Variants in FDFT1 observed in about 807,000 individuals in gnomAD.
FDFT1 encodes squalene synthase.
A neutral mutation model predicts 46.8 loss-of-function variants in FDFT1; 68 were observed. That is an observed-to-expected ratio of 1.45 (90% CI 1.19 to 1.78). FDFT1 has a LOEUF of 1.78. Ranked by LOEUF, FDFT1 falls within the 40% of genes most tolerant of loss-of-function variation. FDFT1 has a pLI of 0.00. For synonymous variants in FDFT1, 351 were observed against 185.1 expected, an observed-to-expected ratio of 1.90 and a Z score of -7.28; for missense variants, 928 against 524.4, an observed-to-expected ratio of 1.77 and a Z score of -7.52.
At chr8:11,815,440 A>G (rs933167759) in intron 3 of FDFT1, among the ~76,000 whole-genome samples, 4 of 152,308 alleles carry the variant, frequency 2.6e-5, no homozygotes, top group African/African-American at 9.6e-5. Flanking sequence ...TTGGGGAATC[A>G]CCATACTGTC....
chr8:11,829,849 G>C (rs768362629), intron 5 of FDFT1, among the ~76,000 whole-genome samples: 16 of 148,960 alleles, frequency 1.1e-4, no homozygotes, highest in Non-Finnish European at 2.1e-4. Flanking sequence ...TTTTTGTTTT[G>C]TTTTGTTTTT....
chr8:11,802,850 C>G lies in FDFT1; in HGVS notation c.18C>G (p.Cys6Trp), dbSNP rs954041477. 6.2e-7 allele frequency: 1 copy of G among 1,611,102 alleles called. No individual in the cohort carries two copies. The highest frequency in any genetic ancestry group is 8.5e-7 in the Non-Finnish European group (1 of 1,178,654). Residue 6 changes from cysteine (C) to tryptophan (W), a missense_variant, in exon 1 of 8, where the codon TGC becomes TGG. Physicochemically the swap from Cys to Trp is radical, Grantham distance 215. Coordinates refer to ENST00000220584, the MANE Select transcript of FDFT1 (RefSeq NM_004462.5). MEFVK[C>W]LGHPEEFYNL... ...GCGCCAGGATGGAGTTCGTGAAATG[C>G]CTTGGCCACCCCGAAGAGTTCTACA...
intron 3 of FDFT1, among the ~76,000 whole-genome samples, chr8:11,820,787 G>A (rs954882924): frequency 6.6e-6 from 1 of 152,200 alleles, no homozygotes; most frequent in African/African-American, 2.4e-5. Flanking sequence ...CCTTTCCTTG[G>A]CTAGGAAAGG....
exon 1 of FDFT1, chr8:11,795,779 A>G (rs1301394213): frequency 6.6e-6 from 1 of 152,350 alleles, no homozygotes; most frequent in Non-Finnish European, 1.5e-5. Flanking sequence ...CCGACTTAAG[A>G]GCTGTAATAC....
chr8:11,796,955 G>T (rs924401189), intron 1 of FDFT1, among the ~76,000 whole-genome samples: 4 of 152,228 alleles, frequency 2.6e-5, no homozygotes, highest in African/African-American at 4.8e-5. Flanking sequence ...AGCAGCTCAG[G>T]GCAGTTGTGC....
In FDFT1 at chr8:11,831,512, C is replaced by A. The variant is rs748096643; in HGVS notation, c.880-6C>A. ...TCTTTTTTCCCTCTCTTCTTGTTGT[C>A]TCTAGGTGATGGCCATTGCCACTTT... On this transcript the variant is annotated splice_region_variant and splice_polypyrimidine_tract_variant and intron_variant, in intron 6 of 7. Coordinates refer to ENST00000220584, the MANE Select transcript of FDFT1 (RefSeq NM_004462.5). 15 of 1,613,148 alleles carry A rather than the reference C, an allele frequency of 9.3e-6. No homozygotes were observed. The highest frequency in any genetic ancestry group is 1.3e-5 in the Non-Finnish European group (15 of 1,179,388).
chr8:11,827,245 C>G (rs751483568), intron 5 of FDFT1, among the ~76,000 whole-genome samples: 1 of 152,006 alleles, frequency 6.6e-6, no homozygotes, highest in African/African-American at 2.4e-5. Context: ...GCCAGGAGTT[C>G]AAGACCAGCC....
intron 3 of FDFT1, among the ~76,000 whole-genome samples, chr8:11,815,628 T>C (rs1346794749): frequency 6.6e-6 from 1 of 152,250 alleles, no homozygotes; most frequent in Non-Finnish European, 1.5e-5. Context: ...CCAGTGGTGA[T>C]GAGCATTTCT....
intron 2 of FDFT1, 81 bp downstream of exon 2, chr8:11,808,972 A>G (rs1318717760): frequency 1.2e-5 from 18 of 1,549,004 alleles, no homozygotes; most frequent in African/African-American, 5.5e-5. Flanking sequence ...ACCTTTTGAT[A>G]TAGCGCTCAG....
intron 3 of FDFT1, among the ~76,000 whole-genome samples, chr8:11,820,219 C>T (rs966590765): frequency 2.0e-5 from 3 of 152,104 alleles, no homozygotes; most frequent in South Asian, 2.1e-4. Flanking sequence ...CTGGAAGCTT[C>T]GTCCAAGAAG....
chr8:11,831,780 G>A (rs1810839018), intron 7 of FDFT1, 110 bp downstream of exon 7: 3 of 925,508 alleles, frequency 3.2e-6, no homozygotes, highest in East Asian at 2.4e-5. Context: ...TCACTATCCT[G>A]TGGCCTAAAG....
intron 1 of FDFT1, chr8:11,808,508 C>G: frequency 7.5e-7 from 1 of 1,329,866 alleles, no homozygotes; most frequent in Non-Finnish European, 9.6e-7. Flanking sequence ...CCGCGGGGTC[C>G]GCGATTCCCA....
intron 1 of FDFT1, among the ~76,000 whole-genome samples, chr8:11,796,723 C>T (rs555022777): frequency 2.0e-4 from 30 of 152,196 alleles, no homozygotes; most frequent in Non-Finnish European, 2.5e-4. Flanking sequence ...TGCAAGAGTC[C>T]TGACCATTTG....
intron 7 of FDFT1, among the ~76,000 whole-genome samples, chr8:11,834,652 T>G (rs1285604727): frequency 6.6e-6 from 1 of 152,226 alleles, no homozygotes; most frequent in Non-Finnish European, 1.5e-5. Flanking sequence ...AATGGAAGTT[T>G]AGATGTTCAT....
intron 1 of FDFT1, chr8:11,803,644 C>T: frequency 2.1e-6 from 1 of 476,340 alleles, no homozygotes; most frequent in Non-Finnish European, 3.2e-6. Flanking sequence ...AATGAATAGA[C>T]AAATTCAGCC....
At chr8:11,825,937 CCTG>C in intron 4 of FDFT1, 84 bp from the exon 5 acceptor site, 1 of 860,224 alleles carries the variant, frequency 1.2e-6, no homozygotes, top group East Asian at 2.8e-5. Flanking sequence ...CTCTTTTGAA[CCTG>C]CTTTTTTGTA....
intron 7 of FDFT1, among the ~76,000 whole-genome samples, chr8:11,837,238 G>A (rs1811667830): frequency 6.9e-6 from 1 of 145,152 alleles, no homozygotes; most frequent in Non-Finnish European, 1.5e-5. Context: ...TTTTGTTTTT[G>A]TTTGTTTTTT....
intron 4 of FDFT1, 61 bp downstream of exon 4, chr8:11,821,939 G>T (rs897693235): frequency 3.8e-6 from 6 of 1,579,356 alleles, no homozygotes; most frequent in Non-Finnish European, 5.2e-6. Flanking sequence ...AGTCCTCATA[G>T]TGAAGCTCAG....
intron 5 of FDFT1, among the ~76,000 whole-genome samples, chr8:11,829,685 G>A (rs575962043): frequency 2.6e-5 from 4 of 152,030 alleles, no homozygotes; most frequent in African/African-American, 4.8e-5. Context: ...GTTGTCCCTC[G>A]GGACATGCTC....
Sources: allele counts gnomAD v4.1 joint callset (sites outside exome capture counted in the v4.1 genomes callset), GRCh38; gene constraint gnomAD v4.1.1; transcripts MANE v1.5; gene names NCBI Gene and HGNC (gene_info 2026-07-23, HGNC 2026-07-21).